ZNF892: variants seen among roughly 807,000 people sequenced by gnomAD.
ZNF892 encodes zinc finger protein 570-like.
chr2:95,217,946 C>T, the ZNF892 span, among the ~76,000 whole-genome samples: 1 of 152,224 alleles, frequency 6.6e-6, no homozygotes, highest in African/African-American at 2.4e-5. Flanking sequence ...GGATCATTCT[C>T]TTTTCTTGAA....
the ZNF892 span, among the ~76,000 whole-genome samples, chr2:95,248,149 G>A: frequency 1.3e-5 from 2 of 152,306 alleles, no homozygotes; most frequent in East Asian, 3.9e-4. Context: ...GGAATTCTAT[G>A]CAGCTGTAAA....
At chr2:95,262,039 G>A in the ZNF892 span, among the ~76,000 whole-genome samples, 2 of 152,210 alleles carry the variant, frequency 1.3e-5, no homozygotes, top group Non-Finnish European at 2.9e-5. Context: ...TTTCGTTTAC[G>A]CTTGACAAGT....
At chr2:95,237,697 G>A in the ZNF892 span, among the ~76,000 whole-genome samples, 1 of 152,356 alleles carries the variant, frequency 6.6e-6, no homozygotes, top group Non-Finnish European at 1.5e-5. Flanking sequence ...TAGGCCTGTT[G>A]CACCAAACAG....
chr2:95,245,974 C>A, the ZNF892 span, among the ~76,000 whole-genome samples: 8 of 152,148 alleles, frequency 5.3e-5, no homozygotes, highest in Admixed American at 3.9e-4. Flanking sequence ...TGAAAGTATT[C>A]AAAAAAATCG....
At chr2:95,214,657 T>A in the ZNF892 span, 1 of 402,046 alleles carries the variant, frequency 2.5e-6, no homozygotes, top group East Asian at 3.6e-5. Context: ...AATTCAGATA[T>A]AATTAGGCAT....
chr2:95,220,520 T>C, the ZNF892 span, among the ~76,000 whole-genome samples: 1 of 152,188 alleles, frequency 6.6e-6, no homozygotes, highest in Non-Finnish European at 1.5e-5. Flanking sequence ...TTTAGAACTT[T>C]CTTATGTTTG....
At chr2:95,224,588 A>G in the ZNF892 span, among the ~76,000 whole-genome samples, 24 of 152,250 alleles carry the variant, frequency 1.6e-4, 1 homozygote, top group East Asian at 4.7e-3. Flanking sequence ...AACTCTTATC[A>G]CAAGAATAGC....
At chr2:95,229,997 A>C in the ZNF892 span, among the ~76,000 whole-genome samples, 2 of 152,214 alleles carry the variant, frequency 1.3e-5, no homozygotes, top group Non-Finnish European at 2.9e-5. Context: ...TACTGGTTTA[A>C]ATTTTCATTT....
At chr2:95,252,446 C>T in the ZNF892 span, among the ~76,000 whole-genome samples, 7 of 151,874 alleles carry the variant, frequency 4.6e-5, no homozygotes, top group Admixed American at 2.0e-4. Context: ...TAGTATTCCA[C>T]GGTGTATATG....
At chr2:95,212,885 A>G in the ZNF892 span, among the ~76,000 whole-genome samples, 1 of 152,258 alleles carries the variant, frequency 6.6e-6, no homozygotes, top group Admixed American at 6.5e-5. Context: ...ATCCAAGAGA[A>G]ATGTTTTAAA....
At chr2:95,258,788 C>T in the ZNF892 span, among the ~76,000 whole-genome samples, 1 of 152,166 alleles carries the variant, frequency 6.6e-6, no homozygotes, top group Admixed American at 6.6e-5. Context: ...GGGTCCCATC[C>T]TCATCACCAG....
At chr2:95,212,172 T>A in the ZNF892 span, 1 of 398,222 alleles carries the variant, frequency 2.5e-6, no homozygotes. Context: ...ACCAGACTCC[T>A]TTTTCTTTCC....
At chr2:95,240,387 G>T in the ZNF892 span, among the ~76,000 whole-genome samples, 2 of 152,188 alleles carry the variant, frequency 1.3e-5, no homozygotes, top group African/African-American at 4.8e-5. Flanking sequence ...CAAGGGAAGC[G>T]GTGAGTAATT....
the ZNF892 span, chr2:95,207,836 T>G: frequency 2.5e-6 from 1 of 397,252 alleles, no homozygotes; most frequent in African/African-American, 2.1e-5. Context: ...AGGGCAGAGG[T>G]GAGGATTTGG....
the ZNF892 span, among the ~76,000 whole-genome samples, chr2:95,224,330 C>G: frequency 6.6e-6 from 1 of 152,300 alleles, no homozygotes; most frequent in South Asian, 2.1e-4. Flanking sequence ...AGTATATGAT[C>G]TGGTGTGGTT....
At chr2:95,242,918 C>T in the ZNF892 span, among the ~76,000 whole-genome samples, 1 of 152,312 alleles carries the variant, frequency 6.6e-6, no homozygotes, top group Non-Finnish European at 1.5e-5. Flanking sequence ...TGGACTGTAC[C>T]CCTGCCATCT....
the ZNF892 span, chr2:95,207,958 C>T: frequency 2.0e-5 from 8 of 397,312 alleles, no homozygotes; most frequent in African/African-American, 1.6e-4. Context: ...ACTAGCCGGT[C>T]TCACTTGGGG....
At chr2:95,244,736 C>T in the ZNF892 span, among the ~76,000 whole-genome samples, 1 of 152,178 alleles carries the variant, frequency 6.6e-6, no homozygotes, top group African/African-American at 2.4e-5. Context: ...ACAGAATATA[C>T]ATTCTTCTCA....
At chr2:95,249,019 T>C in the ZNF892 span, among the ~76,000 whole-genome samples, 2 of 151,848 alleles carry the variant, frequency 1.3e-5, no homozygotes, top group South Asian at 4.1e-4. Context: ...TGGGCTCAAG[T>C]AATCCTCCTG....
Sources: gnomAD v4.1 joint callset for allele counts (sites outside exome capture counted in the v4.1 genomes callset) on GRCh38, gnomAD v4.1.1 for gene constraint, MANE v1.5 for transcripts, NCBI Gene and HGNC (gene_info 2026-07-23, HGNC 2026-07-21) for gene names.